Variants in BCL2L15 observed in about 807,000 individuals in gnomAD.
BCL2L15 encodes bcl-2-like protein 15.
A neutral mutation model predicts 18.3 loss-of-function variants in BCL2L15; 15 were observed. The ratio of observed to expected loss-of-function variants is 0.82; its 90% CI spans 0.55 to 1.26. The LOEUF is 1.26. Among genes scored for constraint, BCL2L15 ranks in the 50% most tolerant of loss-of-function variants. BCL2L15 has a pLI of 0.00. For synonymous variants in BCL2L15, 58 were observed against 68.5 expected (o/e 0.85, Z 0.76); for missense variants, 180 against 201.7 (o/e 0.89, Z 0.65).
At chr1:113,886,883 A>T (rs1471074524) in intron 1 of BCL2L15, among the ~76,000 whole-genome samples, 1 of 151,070 alleles carries the variant, frequency 6.6e-6, no homozygotes, top group Non-Finnish European at 1.5e-5. Context: ...TTTGAAACTT[A>T]AAGGAAATAA....
intron 2 of BCL2L15, among the ~76,000 whole-genome samples, chr1:113,884,546 T>C (rs1666972599): frequency 6.6e-6 from 1 of 152,184 alleles, no homozygotes; most frequent in Non-Finnish European, 1.5e-5. Flanking sequence ...TGAATCAATG[T>C]TAATTTCCTG....
At position 113,881,775 on chromosome 1, in the gene BCL2L15, A is replaced by T. The variant is rs1306713437; in HGVS notation, c.472T>A (p.Trp158Arg). ...IREFIQGQGG[W>R]ENLES The stretch of plus-strand genomic sequence containing the variant: ...ACCAGGAGCCCCAACAAACTTACCC[A>T]ACCTCCCTGGCCCTGGATGAACTCC... Residue 158 changes from tryptophan (W) to arginine (R), a missense_variant and splice_region_variant, in exon 3 of 4, where the codon TGG (tryptophan) becomes AGG (arginine). Trp to Arg is a moderately radical substitution (Grantham distance 101). Coordinates refer to ENST00000393316, the MANE Select transcript of BCL2L15 (RefSeq NM_001010922.3). 22 of 1,612,976 alleles carry T rather than the reference A, an allele frequency of 1.4e-5. No individual in the cohort carries two copies. The highest frequency in any genetic ancestry group is 1.9e-5 in the Non-Finnish European group (22 of 1,179,200).
chr1:113,885,183 T>C (rs962339937), intron 2 of BCL2L15, among the ~76,000 whole-genome samples: 3 of 151,892 alleles, frequency 2.0e-5, no homozygotes, highest in South Asian at 2.1e-4. Flanking sequence ...CTCAAACTCC[T>C]GGCCTCAAGC....
chr1:113,885,865 G>A (rs977556568), intron 2 of BCL2L15, among the ~76,000 whole-genome samples: 13 of 148,818 alleles, frequency 8.7e-5, no homozygotes, highest in African/African-American at 3.2e-4. Context: ...CCGAGATCGC[G>A]CCACTGCACT....
rs776161431 is a variant in BCL2L15 at position 113,887,348 on chromosome 1, G to T, written c.28C>A (p.Gln10Lys). MKSSQTFEEQTECIVNTLLM... is the reference protein window; with the variant it reads MKSSQTFEEKTECIVNTLLM... ...AGAGTGTTCACAATGCATTCCGTTT[G>T]TTCCTCAAAAGTTTGGGAGCTCTTC... The change falls in exon 1 of 4, where the codon CAA (glutamine) becomes AAA (lysine). Residue 10 changes from glutamine to lysine, a missense_variant. By Grantham distance (53) the Gln-to-Lys change is moderately conservative. Transcript: ENST00000393316. 13 of 1,614,024 alleles carry T rather than the reference G, an allele frequency of 8.1e-6. No homozygotes were observed. Among genetic ancestry groups the T allele is most frequent in the Non-Finnish European group, 1.1e-5 (13 of 1,179,990 alleles).
Position 113,887,298 on chromosome 1 carries a change from T to C in BCL2L15, c.78A>G (p.Thr26=), listed in dbSNP as rs144140962. 776 of 1,614,218 alleles carry C rather than the reference T, an allele frequency of 4.8e-4. No individual in the cohort carries two copies. Among genetic ancestry groups the C allele is most frequent in the Admixed American group, 8.2e-4 (49 of 60,026 alleles). ...NTLLMDFLSP[T]LQVASRNLCC... Reference sequence around the variant, plus strand: ...ATAGGTTCCGGCTGGCAACCTGCAATGTTGGGCTCAAGAAGTCCATGAGTA... The same window carrying C: ...ATAGGTTCCGGCTGGCAACCTGCAACGTTGGGCTCAAGAAGTCCATGAGTA... Residue 26 remains threonine (T), a synonymous_variant, in exon 1 of 4, where the codon ACA becomes ACG. Transcript: ENST00000393316.
chr1:113,882,911 G>A (rs1400920105), intron 2 of BCL2L15, among the ~76,000 whole-genome samples: 2 of 152,198 alleles, frequency 1.3e-5, no homozygotes, highest in Non-Finnish European at 2.9e-5. Context: ...CTACACTCCA[G>A]CCTAGGCAAC....
At position 113,879,193 on chromosome 1, in the gene BCL2L15, A is replaced by G. The variant is rs1265543655; in HGVS notation, c.*1930T>C. 6.6e-6 allele frequency: 1 copy of G among 152,326 alleles called. No individual in the cohort carries two copies. Among genetic ancestry groups the G allele is most frequent in the African/African-American group, 2.4e-5 (1 of 41,468 alleles). The allele number at this position is 152,326 out of a possible 1,614,324, so 9.4% of individuals were successfully genotyped here. ...AGCAAAAATGTATTAACAGCACTAC[A>G]TATTTACTTCTCTGCATTTAGAGGA... On this transcript the variant is annotated 3_prime_UTR_variant, in exon 4 of 4. Transcript: ENST00000393316.
chr1:113,881,991 C>T lies in BCL2L15; in HGVS notation c.256G>A (p.Ala86Thr). 6.2e-7 allele frequency: 1 copy of T among 1,612,192 alleles called. No individual in the cohort carries two copies. The highest frequency in any genetic ancestry group is 8.5e-7 in the Non-Finnish European group (1 of 1,178,426). ...IAETIKGQTG[A>T]ILQDTVESLS... ...GATTCCACAGTGTCCTGGAGTATAG[C>T]TCCTGTCTGAGGAAAGACAAAGGAA... The change falls in exon 3 of 4, where the codon GCT becomes ACT. Residue 86 changes from alanine to threonine, a missense_variant. By Grantham distance (58) the Ala-to-Thr change is moderately conservative. Coordinates refer to ENST00000393316, the MANE Select transcript of BCL2L15 (RefSeq NM_001010922.3).
intron 2 of BCL2L15, among the ~76,000 whole-genome samples, chr1:113,883,926 G>C (rs2102251461): frequency 6.6e-6 from 1 of 152,306 alleles, no homozygotes; most frequent in Admixed American, 6.5e-5. Flanking sequence ...TAGAGTGAAA[G>C]GACTCCCACT....
intron 2 of BCL2L15, among the ~76,000 whole-genome samples, chr1:113,883,728 G>T (rs926488356): frequency 6.6e-6 from 1 of 152,206 alleles, no homozygotes; most frequent in South Asian, 2.1e-4. Flanking sequence ...GGGTTGCAGT[G>T]AGCGGAGATC....
Position 113,881,090 on chromosome 1 carries a change from G to C in BCL2L15, c.*33C>G, listed in dbSNP as rs753000522. 6 of 1,613,982 alleles carry C rather than the reference G, an allele frequency of 3.7e-6. No individual in the cohort carries two copies. The highest frequency in any genetic ancestry group is 5.1e-6 in the Non-Finnish European group (6 of 1,179,974). On this transcript the variant is annotated 3_prime_UTR_variant, in exon 4 of 4. Transcript: ENST00000393316. ...AATCACCCAATCAGTCAACAAGGAA[G>C]TGATGTTCAGTCTCGTGAATAGCTC...
intron 3 of BCL2L15, chr1:113,881,354 C>A: frequency 9.9e-7 from 1 of 1,015,226 alleles, no homozygotes; most frequent in Non-Finnish European, 1.4e-6. Context: ...ACCACTACAG[C>A]AAAGACTGTT....
chr1:113,885,640 T>C (rs945658582), intron 2 of BCL2L15, among the ~76,000 whole-genome samples: 5 of 152,230 alleles, frequency 3.3e-5, no homozygotes, highest in Admixed American at 2.6e-4. Context: ...CAGGCTGGTG[T>C]TGAACTCCTC....
At chr1:113,886,453 T>A in intron 2 of BCL2L15, 84 bp downstream of exon 2, 1 of 1,347,954 alleles carries the variant, frequency 7.4e-7, no homozygotes, top group South Asian at 1.4e-5. Flanking sequence ...ACATTCCTAG[T>A]CACTGTAGTA....
Position 113,881,811 on chromosome 1 carries a change from G to A in BCL2L15, c.436C>T (p.Gln146Ter), listed in dbSNP as rs138414265. Residue 146 changes from glutamine (Q) to a stop codon, truncating the protein, a stop_gained, in exon 3 of 4, where the codon CAA (glutamine) becomes TAA (stop). Transcript: ENST00000393316. LOFTEE classifies it high-confidence loss of function. ...IPMTGMINGNQAIREFIQGQG... is the reference protein window; with the variant it reads ...IPMTGMINGN Reference sequence around the variant, plus strand: ...CCCTGGATGAACTCCCGGATGGCTTGGTTCCCATTGATCATACCCGTCATG... The same window carrying A: ...CCCTGGATGAACTCCCGGATGGCTTAGTTCCCATTGATCATACCCGTCATG... The A allele has an allele frequency of 1.9e-6, 3 of 1,614,036 alleles. No homozygotes were observed. The African/African-American group carries it at 4.0e-5, about 22-fold the overall frequency.
rs1167165438 is a variant in BCL2L15, at chr1:113,886,563, C to T, written c.223G>A (p.Val75Ile). 22 of 1,613,712 alleles carry T rather than the reference C, an allele frequency of 1.4e-5. No homozygotes were observed. The highest frequency in any genetic ancestry group is 2.2e-5 in the East Asian group (1 of 44,880). ...NGELEASAKN[V>I]IAETIKGQTG... ...TGTCCCTTAATGGTTTCTGCAATGA[C>T]GTTTTTGGCAGAAGCTTCCAATTCT... Residue 75 changes from valine (V) to isoleucine (I), a missense_variant, in exon 2 of 4, where the codon GTC becomes ATC. Physicochemically the swap from Val to Ile is conservative, Grantham distance 29. Coordinates refer to ENST00000393316, the MANE Select transcript of BCL2L15 (RefSeq NM_001010922.3).
At chr1:113,884,600 T>G (rs1238767287) in intron 2 of BCL2L15, among the ~76,000 whole-genome samples, 2 of 152,166 alleles carry the variant, frequency 1.3e-5, no homozygotes, top group Non-Finnish European at 2.9e-5. Flanking sequence ...ATGTTCTTGT[T>G]TGAGGGAAGT....
chr1:113,886,655 T>G lies in BCL2L15; in HGVS notation c.131A>C (p.Glu44Ala). 1.9e-6 allele frequency: 3 copies of G among 1,607,598 alleles called. No individual in the cohort carries two copies. The highest frequency in any genetic ancestry group is 2.5e-6 in the Non-Finnish European group (3 of 1,178,200). Reference protein sequence around the residue: ...LCCVDEVDSGEPCSFDVAIIA... With the variant: ...LCCVDEVDSGAPCSFDVAIIA... ...GATAGCCACATCAAAAGAACAAGGC[T>G]CTCCTATGACAGAGGGAACACATTT... is the stretch of plus-strand genomic sequence containing the variant. The change falls in exon 2 of 4, where the codon GAG (glutamate) becomes GCG (alanine). Residue 44 changes from glutamate to alanine, a missense_variant. Physicochemically the swap from Glu to Ala is moderately radical, Grantham distance 107. Transcript: ENST00000393316.
Sources: allele counts gnomAD v4.1 joint callset (sites outside exome capture counted in the v4.1 genomes callset), GRCh38; gene constraint gnomAD v4.1.1; transcripts MANE v1.5; gene names NCBI Gene and HGNC (gene_info 2026-07-23, HGNC 2026-07-21).